The following MRM3 variants were observed in gnomAD, a reference collection of about 807,000 sequenced individuals.
MRM3 encodes rRNA methyltransferase 3, mitochondrial.
MRM3 carries 26 observed loss-of-function variants against 29.4 expected under a neutral mutation model. The observed-to-expected ratio is 0.89, with a 90% CI of 0.65 to 1.23. The LOEUF (loss-of-function observed/expected upper bound fraction) is 1.23. Among genes scored for constraint, MRM3 ranks in the 50% most tolerant of loss-of-function variants. MRM3 has a pLI of 0.00. For missense variants in MRM3, 578 were observed against 540.2 expected (o/e 1.07, Z -0.69); for synonymous variants, 225 against 219.0 (o/e 1.03, Z -0.24).
chr17:782,794 G>T (rs1236600779), intron 1 of MRM3, 102 bp downstream of exon 1: 4 of 1,266,722 alleles, frequency 3.2e-6, no homozygotes, highest in East Asian at 2.5e-5. Context: ...AGTACAGCCC[G>T]CTGGTTTTTG....
chr17:791,366 G>A (rs933166753), intron 3 of MRM3, among the ~76,000 whole-genome samples, 168 bp from the exon 4 acceptor site: 2 of 152,168 alleles, frequency 1.3e-5, no homozygotes, highest in Non-Finnish European at 2.9e-5. Flanking sequence ...GACTCCTATA[G>A]TCGCTGTGCT....
rs371656862 is a variant in MRM3, at chr17:788,151, A to C, written c.727+19A>C. 7.4e-6 allele frequency: 12 copies of C among 1,613,088 alleles called. No individual in the cohort carries two copies. Among genetic ancestry groups the C allele is most frequent in the Non-Finnish European group, 9.3e-6 (11 of 1,179,470 alleles). ...ACCAAAGGTAAGGACATCAAAGGCC[A>C]GGCATAGTGGCTCACACTCGTAATC... On this transcript the variant is annotated intron_variant, in intron 3 of 3. Coordinates refer to ENST00000304478, the MANE Select transcript of MRM3 (RefSeq NM_018146.4).
rs1910569787 is a variant in MRM3 at position 787,138 on chromosome 17, G to A, written c.560-827G>A. ...GGGTGCCTGTAATCCCAGCTACTTG[G>A]GAGGCTGAGAGGCAGGAGAATTGCT... On this transcript the variant is annotated intron_variant, in intron 2 of 3. Coordinates refer to ENST00000304478, the MANE Select transcript of MRM3 (RefSeq NM_018146.4). The surrounding 1 kb of genome is among the most constrained non-coding windows in gnomAD (Gnocchi z 4.1). Among the ~76,000 whole-genome samples, 1 of 152,122 alleles carries A rather than the reference G, an allele frequency of 6.6e-6. No homozygotes were observed. Among genetic ancestry groups the A allele is most frequent in the South Asian group, 2.1e-4 (1 of 4,818 alleles).
intron 3 of MRM3, chr17:790,282 A>C (rs1347595782): frequency 6.6e-6 from 1 of 152,450 alleles, no homozygotes; most frequent in East Asian, 1.9e-4. Context: ...CTCTTGCCTC[A>C]TTGCCTCATC....
At position 787,651 on chromosome 17, in the gene MRM3, C is replaced by A. The variant is rs1435180786; in HGVS notation, c.560-314C>A. The stretch of plus-strand genomic sequence containing the variant: ...ACAACCTCCACCTCCCAGATTCAAG[C>A]GATTCTCCTGCCTCAGCCTCCCAGG... On this transcript the variant is annotated intron_variant, in intron 2 of 3. Coordinates refer to ENST00000304478, the MANE Select transcript of MRM3 (RefSeq NM_018146.4). This position sits in a 1 kb window ranked among gnomAD's most constrained non-coding sequence, Gnocchi z 4.1. 6.6e-6 allele frequency among the ~76,000 whole-genome samples: 1 copy of A among 152,058 alleles called. No homozygotes were observed. Among genetic ancestry groups the A allele is most frequent in the Non-Finnish European group, 1.5e-5 (1 of 68,014 alleles).
chr17:782,398 C>A lies in MRM3; in HGVS notation c.20C>A (p.Pro7His). The change falls in exon 1 of 4, where the codon CCC becomes CAC. Residue 7 changes from proline (P) to histidine (H), a missense_variant. Physicochemically the swap from Pro to His is moderately conservative, Grantham distance 77. Coordinates refer to ENST00000304478, the MANE Select transcript of MRM3 (RefSeq NM_018146.4). ...GGGAACATGGCGGCGCTGGTGAGAC[C>A]CGCGAGGTTTGTCGTGCGACCGTTG... MAALVR[P>H]ARFVVRPLLQ... 1 of 1,613,756 alleles carries A rather than the reference C, an allele frequency of 6.2e-7. No individual in the cohort carries two copies. The highest frequency in any genetic ancestry group is 8.5e-7 in the Non-Finnish European group (1 of 1,179,922).
rs758011689 is a variant in MRM3 at position 783,264 on chromosome 17, A to G, written c.496A>G (p.Ile166Val). 1 of 1,614,028 alleles carries G rather than the reference A, an allele frequency of 6.2e-7. No homozygotes were observed. Among genetic ancestry groups the G allele is most frequent in the Non-Finnish European group, 8.5e-7 (1 of 1,179,966 alleles). ...CGATAAGCTGAAAGGTGTCAGCCTC[A>G]TTAAGGTGAAATTTGAGGATATCAA... ...PVDKLKGVSL[I>V]KVKFEDIKDW... Residue 166 changes from isoleucine to valine, a missense_variant, in exon 2 of 4, where the codon ATT becomes GTT. Coordinates refer to ENST00000304478, the MANE Select transcript of MRM3 (RefSeq NM_018146.4).
chr17:787,587 C>T lies in MRM3; in HGVS notation c.560-378C>T, dbSNP rs1288523813. On this transcript the variant is annotated intron_variant, in intron 2 of 3. Coordinates refer to ENST00000304478, the MANE Select transcript of MRM3 (RefSeq NM_018146.4). This position sits in a 1 kb window ranked among gnomAD's most constrained non-coding sequence, Gnocchi z 4.1. ...TTTTTGAGAGGGAGTCTCACTGTGT[C>T]GCCCAGGCTGGAGTGCAGTGGCGTG... 2.0e-5 allele frequency among the ~76,000 whole-genome samples: 3 copies of T among 151,516 alleles called. No individual in the cohort carries two copies. Among genetic ancestry groups the T allele is most frequent in the Non-Finnish European group, 4.4e-5 (3 of 67,938 alleles).
rs1910839600 is a variant in MRM3, at chr17:791,835, C to T, written c.1029C>T (p.Asp343=). 6.2e-7 allele frequency: 1 copy of T among 1,614,160 alleles called. No individual in the cohort carries two copies. Among genetic ancestry groups the T allele is most frequent in the Non-Finnish European group, 8.5e-7 (1 of 1,180,040 alleles). Reference sequence around the variant, plus strand: ...CTCATGTTGAGGTTCAGAGTTACGACTCGGACTGGACAGAGGCGCCGGCAG... The same window carrying T: ...CTCATGTTGAGGTTCAGAGTTACGATTCGGACTGGACAGAGGCGCCGGCAG... ...WLPHVEVQSY[D]SDWTEAPAAV... is the part of the protein sequence containing the mutation. The change falls in exon 4 of 4, where the codon GAC becomes GAT. Residue 343 remains aspartate, a synonymous_variant. Transcript: ENST00000304478.
rs1910861396 is a variant in MRM3, at chr17:792,168, T to G, written c.*99T>G. 1 of 1,235,016 alleles carries G rather than the reference T, an allele frequency of 8.1e-7. No individual in the cohort carries two copies. Among genetic ancestry groups the G allele is most frequent in the Admixed American group, 2.5e-5 (1 of 39,834 alleles). The allele number at this position is 1,235,016 out of a possible 1,614,324, so 76.5% of individuals were successfully genotyped here. A position where few individuals can be genotyped will look rare whatever the true frequency, so the allele number is the denominator to read the frequency against. ...GAGTCAGTGACTATGGCCCCCACGT[T>G]CAGGAGGAAGGTGTGATGCCGTCAT... On this transcript the variant is annotated 3_prime_UTR_variant, in exon 4 of 4. Transcript: ENST00000304478.
Position 783,343 on chromosome 17 carries a change from G to C in MRM3, c.559+16G>C. ...GGAATAATGGGTTAGTGATTACCCA[G>C]TGTATCTTTTTTTTTTTTTGTCTTG... On this transcript the variant is annotated intron_variant, in intron 2 of 3. Transcript: ENST00000304478. The C allele has an allele frequency of 6.7e-7, 1 of 1,499,798 alleles. No homozygotes were observed. Among genetic ancestry groups the C allele is most frequent in the Non-Finnish European group, 8.9e-7 (1 of 1,123,182 alleles). 92.9% of individuals were successfully genotyped at this position (1,499,798 alleles called of 1,614,324 possible).
In MRM3 at chr17:783,179, T is replaced by C; in HGVS notation, c.411T>C (p.Ala137=). ...GRRLISDALK[A]GAVPKMFFFS... ...GGCTCATTTCAGACGCTCTCAAGGC[T>C]GGAGCTGTGCCAAAAATGTTCTTCT... Residue 137 remains alanine, a synonymous_variant, in exon 2 of 4, where the codon GCT becomes GCC. Coordinates refer to ENST00000304478, the MANE Select transcript of MRM3 (RefSeq NM_018146.4). 1 of 1,614,168 alleles carries C rather than the reference T, an allele frequency of 6.2e-7. No homozygotes were observed. The highest frequency in any genetic ancestry group is 1.1e-5 in the South Asian group (1 of 91,088).
rs756175686 is a variant in MRM3 at position 791,663 on chromosome 17, T to G, written c.857T>G (p.Val286Gly). ...NYLPPDTRVY[V>G]ADNCGLYAQA... is the part of the protein sequence containing the mutation. ...CTGCCCCCTGACACTCGGGTCTATG[T>G]GGCTGACAACTGTGGCCTTTATGCC... The change falls in exon 4 of 4, where the codon GTG becomes GGG. Residue 286 changes from valine (V) to glycine (G), a missense_variant. By Grantham distance (109) the Val-to-Gly change is moderately radical (BLOSUM62 -3). Transcript: ENST00000304478. 6.2e-7 allele frequency: 1 copy of G among 1,614,242 alleles called. No individual in the cohort carries two copies.
Position 782,391 on chromosome 17 carries a change from G to T in MRM3, c.13G>T (p.Val5Leu). The change falls in exon 1 of 4, where the codon GTG becomes TTG. Residue 5 changes from valine to leucine, a missense_variant. By Grantham distance (32) the Val-to-Leu change is conservative. Coordinates refer to ENST00000304478, the MANE Select transcript of MRM3 (RefSeq NM_018146.4). MAAL[V>L]RPARFVVRPL... ...GGTCTCAGGGAACATGGCGGCGCTG[G>T]TGAGACCCGCGAGGTTTGTCGTGCG... 1 of 1,613,740 alleles carries T rather than the reference G, an allele frequency of 6.2e-7. No individual in the cohort carries two copies. The highest frequency in any genetic ancestry group is 1.3e-5 in the African/African-American group (1 of 75,068).
At chr17:786,906 C>A (rs186078803) in intron 2 of MRM3, among the ~76,000 whole-genome samples, 275 of 152,290 alleles carry the variant, frequency 1.8e-3, no homozygotes, top group African/African-American at 6.3e-3. Context: ...AATAATTTAA[C>A]AGTCCATAGG....
intron 3 of MRM3, 125 bp from the exon 4 acceptor site, chr17:791,409 C>A (rs531647740): frequency 6.9e-4 from 648 of 942,916 alleles, no homozygotes; most frequent in African/African-American, 4.6e-3. Flanking sequence ...AAGGTCCCAT[C>A]CCTCAAGAAA....
Position 786,980 on chromosome 17 carries a change from C to G in MRM3, c.560-985C>G, listed in dbSNP as rs951484929. Among the ~76,000 whole-genome samples, 4 of 152,082 alleles carry G rather than the reference C, an allele frequency of 2.6e-5. No individual in the cohort carries two copies. In the East Asian group the frequency reaches 7.7e-4, roughly 29 times the overall value. ...AATAGAGGCTGGGCATGGTGGCTCA[C>G]AACTGTAATCCCAGCACTTTGGGAG... On this transcript the variant is annotated intron_variant, in intron 2 of 3. Transcript: ENST00000304478.
In MRM3 at chr17:783,191, A is replaced by G. The variant is rs150291167; in HGVS notation, c.423A>G (p.Pro141=). The change falls in exon 2 of 4, where the codon CCA becomes CCG. Residue 141 remains proline, a synonymous_variant. Coordinates refer to ENST00000304478, the MANE Select transcript of MRM3 (RefSeq NM_018146.4). ...ISDALKAGAV[P]KMFFFSRLEY... ...ACGCTCTCAAGGCTGGAGCTGTGCC[A>G]AAAATGTTCTTCTTTAGCCGTCTAG... 5 of 1,614,026 alleles carry G rather than the reference A, an allele frequency of 3.1e-6. No individual in the cohort carries two copies. The African/African-American group carries it at 4.0e-5, about 13-fold the overall frequency.
rs112379334 is a variant in MRM3, at chr17:792,310, CTGTG to C, written c.*245_*248del. On this transcript the variant is annotated 3_prime_UTR_variant, in exon 4 of 4. Transcript: ENST00000304478. Reference sequence around the variant, plus strand: ...GTGACAATAGGTGACCCACGTGGCTCTGTGTGTTTTTAAAAATTGTCCACCAAGA... The same window carrying C: ...GTGACAATAGGTGACCCACGTGGCTCTGTTTTTAAAAATTGTCCACCAAGA... The C allele has an allele frequency of 1.4e-4, 60 of 438,596 alleles. 2 individuals carry two copies. The highest frequency in any genetic ancestry group is 4.0e-4 in the African/African-American group (20 of 50,238). The allele number at this position is 438,596 out of a possible 1,614,324, so 27.2% of individuals were successfully genotyped here.
Sources: gnomAD v4.1 joint callset for allele counts (sites outside exome capture counted in the v4.1 genomes callset) on GRCh38, gnomAD v4.1.1 for gene constraint, Gnocchi (gnomAD v3.1) non-coding constraint, MANE v1.5 for transcripts, NCBI Gene and HGNC (gene_info 2026-07-23, HGNC 2026-07-21) for gene names.